Variants in EPHA4 observed in about 807,000 individuals in gnomAD.
The protein encoded by EPHA4 is ephrin type-A receptor 4.
Under a neutral mutation model 108.3 loss-of-function variants are expected in EPHA4, and 19 were observed. The ratio of observed to expected loss-of-function variants is 0.18; its 90% CI spans 0.12 to 0.26. EPHA4 has a LOEUF of 0.26. Among genes scored for constraint, EPHA4 ranks in the 10% least tolerant of loss-of-function variants. The pLI is 1.00. For synonymous variants in EPHA4, 449 were observed against 455.5 expected (o/e 0.99, Z 0.18); for missense variants, 917 against 1,254.0 (o/e 0.73, Z 4.06).
intron 3 of EPHA4, among the ~76,000 whole-genome samples, chr2:221,537,915 A>C (rs535953902): frequency 2.6e-4 from 39 of 152,362 alleles, no homozygotes; most frequent in Non-Finnish European, 4.1e-4. Flanking sequence ...AAACATTTCC[A>C]CAAAAGTTGT....
chr2:221,455,777 T>A (rs1690928939), intron 7 of EPHA4, 119 bp from the exon 8 acceptor site: 8 of 706,908 alleles, frequency 1.1e-5, no homozygotes, highest in Non-Finnish European at 9.8e-6. Context: ...CACTTGAACA[T>A]TTCAGAAAGG....
At chr2:221,438,783 T>TA (rs35595940) in intron 11 of EPHA4, among the ~76,000 whole-genome samples, 37,953 of 144,498 alleles carry the variant, frequency 0.26, 4,887 homozygotes, top group African/African-American at 0.35. Flanking sequence ...AGAGTCATTC[T>TA]AAAAAAATAA....
intron 3 of EPHA4, among the ~76,000 whole-genome samples, chr2:221,554,034 C>G (rs945195905): frequency 4.6e-5 from 7 of 152,146 alleles, no homozygotes; most frequent in African/African-American, 1.7e-4. Flanking sequence ...AGATCTGTAA[C>G]TTATTAAGAA....
In EPHA4 at chr2:221,571,255, T is replaced by C. The variant is rs112537397; in HGVS notation, c.91+903A>G. Among the ~76,000 whole-genome samples the C allele has an allele frequency of 2.6e-3, 368 of 142,630 alleles. 1 individual carries two copies. Among genetic ancestry groups the C allele is most frequent in the South Asian group, 6.7e-3 (30 of 4,504 alleles). 93.6% of individuals were successfully genotyped at this position (142,630 alleles called of 152,430 possible). A position where few individuals can be genotyped will look rare whatever the true frequency, so the allele number is the denominator to read the frequency against. On this transcript the variant is annotated intron_variant, in intron 1 of 17. Transcript: ENST00000281821. This position sits in a 1 kb window ranked among gnomAD's most constrained non-coding sequence, Gnocchi z 6.3. ...CAGACATGCACACACACACCACACA[T>C]ACACACACACACACACACAGTTCGC...
intron 11 of EPHA4, among the ~76,000 whole-genome samples, chr2:221,442,129 C>T (rs1690448859): frequency 6.6e-6 from 1 of 152,184 alleles, no homozygotes; most frequent in Admixed American, 6.5e-5. Context: ...TATGAGGGCT[C>T]TTGGAACACA....
chr2:221,478,169 A>T (rs2106137283), intron 5 of EPHA4, among the ~76,000 whole-genome samples: 1 of 152,108 alleles, frequency 6.6e-6, no homozygotes, highest in Non-Finnish European at 1.5e-5. Context: ...AACGGCAAAA[A>T]ACCGTTCAGA....
At chr2:221,471,470 C>T (rs149813127) in intron 5 of EPHA4, among the ~76,000 whole-genome samples, 2 of 152,200 alleles carry the variant, frequency 1.3e-5, no homozygotes, top group African/African-American at 4.8e-5. Flanking sequence ...GAGGAAAGCT[C>T]CTGCACACTA....
chr2:221,553,826 C>G (rs1053556408), intron 3 of EPHA4, among the ~76,000 whole-genome samples: 1 of 152,128 alleles, frequency 6.6e-6, no homozygotes, highest in Non-Finnish European at 1.5e-5. Flanking sequence ...GTTTACATTG[C>G]CATTTGCCTT....
intron 3 of EPHA4, among the ~76,000 whole-genome samples, chr2:221,560,390 T>G (rs1049236920): frequency 1.3e-5 from 2 of 152,152 alleles, no homozygotes; most frequent in African/African-American, 4.8e-5. Context: ...TTTTTGCTCG[T>G]TCAAAGGAAG....
rs1235918497 is a variant in EPHA4 at position 221,566,947 on chromosome 2, A to AAGG, written c.159+1768_159+1770dup. On this transcript the variant is annotated intron_variant, in intron 2 of 17. Coordinates refer to ENST00000281821, the MANE Select transcript of EPHA4 (RefSeq NM_004438.5). ...GAAGGAGAAGGAGAAGGAGAAGGAG[A>AAGG]AGGAGAAGGGGAAGAGGAAGAGGAA... Among the ~76,000 whole-genome samples, 3 of 78,684 alleles carry AAGG rather than the reference A, an allele frequency of 3.8e-5. 1 individual carries two copies. The highest frequency in any genetic ancestry group is 1.5e-4 in the African/African-American group (2 of 13,736). The allele number at this position is 78,684 out of a possible 152,430, so 51.6% of individuals were successfully genotyped here.
chr2:221,509,979 G>C (rs2710503), intron 3 of EPHA4, among the ~76,000 whole-genome samples: 53,640 of 152,070 alleles, frequency 0.35, 10,695 homozygotes, highest in East Asian at 0.55. Context: ...GGGCTGAAAT[G>C]ATGATGAAAT....
chr2:221,550,792 A>T (rs1234858880), intron 3 of EPHA4, among the ~76,000 whole-genome samples: 1 of 151,986 alleles, frequency 6.6e-6, no homozygotes, highest in Non-Finnish European at 1.5e-5. Context: ...CTGCTATCTA[A>T]TAAGGCTTTT....
chr2:221,562,183 T>C lies in EPHA4; in HGVS notation c.823+1548A>G, dbSNP rs79363282. Among the ~76,000 whole-genome samples, 60 of 150,644 alleles carry C rather than the reference T, an allele frequency of 4.0e-4. No individual in the cohort carries two copies. In the East Asian group the frequency reaches 9.6e-3, roughly 24 times the overall value. ...TTAAAAATCCTTAAATTCCAACTTGTAAACTTTTAAATTTACACATTTCCT... is the reference window on the plus strand; with the variant it reads ...TTAAAAATCCTTAAATTCCAACTTGCAAACTTTTAAATTTACACATTTCCT... On this transcript the variant is annotated intron_variant, in intron 3 of 17. Transcript: ENST00000281821.
At chr2:221,456,172 TA>T (rs79021977) in intron 7 of EPHA4, among the ~76,000 whole-genome samples, 1,473 of 140,250 alleles carry the variant, frequency 0.011, 18 homozygotes, top group African/African-American at 0.027. Flanking sequence ...AAAGGGTCTT[TA>T]AAAAAAAAAA....
intron 17 of EPHA4, among the ~76,000 whole-genome samples, chr2:221,422,908 A>T (rs1689796954): frequency 1.3e-5 from 2 of 152,244 alleles, no homozygotes; most frequent in African/African-American, 4.8e-5. Flanking sequence ...ATGCATGTTT[A>T]TCCTGCCAGC....
intron 2 of EPHA4, among the ~76,000 whole-genome samples, chr2:221,565,980 C>T (rs977895352): frequency 1.4e-4 from 21 of 152,130 alleles, no homozygotes; most frequent in African/African-American, 5.1e-4. Flanking sequence ...ATTGTCTAAC[C>T]ACACTGATCA....
rs570911939 is a variant in EPHA4, at chr2:221,550,797, G to T, written c.823+12934C>A. Among the ~76,000 whole-genome samples, 7 of 151,372 alleles carry T rather than the reference G, an allele frequency of 4.6e-5. No homozygotes were observed. In the East Asian group the frequency reaches 1.4e-3, roughly 29 times the overall value. On this transcript the variant is annotated intron_variant, in intron 3 of 17. Coordinates refer to ENST00000281821, the MANE Select transcript of EPHA4 (RefSeq NM_004438.5). ...TCAAAATTCACTGCTATCTAATAAG[G>T]CTTTTTTTTTTCTACAAATGCAAAG...
chr2:221,446,036 G>T, intron 9 of EPHA4, 87 bp downstream of exon 9: 2 of 723,150 alleles, frequency 2.8e-6, no homozygotes, highest in Non-Finnish European at 2.2e-6. Context: ...AACATTAATA[G>T]CCACGTAAAT....
At chr2:221,493,728 C>T (rs947457631) in intron 4 of EPHA4, among the ~76,000 whole-genome samples, 10 of 152,076 alleles carry the variant, frequency 6.6e-5, no homozygotes, top group South Asian at 2.1e-4. Flanking sequence ...AATACAGCAG[C>T]GCACTAAATT....
Sources: gnomAD v4.1 joint callset for allele counts (sites outside exome capture counted in the v4.1 genomes callset) on GRCh38, gnomAD v4.1.1 for gene constraint, Gnocchi (gnomAD v3.1) non-coding constraint, MANE v1.5 for transcripts, NCBI Gene and HGNC (gene_info 2026-07-23, HGNC 2026-07-21) for gene names.